ARPC3: variants seen among roughly 807,000 people sequenced by gnomAD.
The protein encoded by ARPC3 is actin-related protein 2/3 complex subunit 3.
In ARPC3, 12 loss-of-function variants were observed where a neutral mutation model predicts 27.6. The observed-to-expected ratio is 0.43, with a 90% CI of 0.28 to 0.70. The LOEUF is 0.70. ARPC3 is among the 30% of genes least tolerant of loss of function. ARPC3 has a pLI of 0.17. For synonymous variants in ARPC3, 53 were observed against 67.2 expected, an observed-to-expected ratio of 0.79 and a Z score of 1.03; for missense variants, 153 against 207.7, an observed-to-expected ratio of 0.74 and a Z score of 1.62.
At position 110,437,084 on chromosome 12, in the gene ARPC3, C is replaced by T. The variant is rs1354100837; in HGVS notation, c.252G>A (p.Lys84=). 6.3e-7 allele frequency: 1 copy of T among 1,587,276 alleles called. No individual in the cohort carries two copies. Among genetic ancestry groups the T allele is most frequent in the East Asian group, 2.2e-5 (1 of 44,764 alleles). Residue 84 remains lysine (K), a splice_region_variant and synonymous_variant, in exon 4 of 7, where the codon AAG becomes AAA. Transcript: ENST00000228825. ...TATACAATCATCCAAGTTTAATTACCTTTTGCAGTTTCTTCAGACATTCAG... is the reference window on the plus strand; with the variant it reads ...TATACAATCATCCAAGTTTAATTACTTTTTGCAGTTTCTTCAGACATTCAG... ...YISECLKKLQ[K]CNSKSQGEKE...
At chr12:110,438,540 A>G (rs2062418029) in intron 3 of ARPC3, among the ~76,000 whole-genome samples, 1 of 150,552 alleles carries the variant, frequency 6.6e-6, no homozygotes, top group African/African-American at 2.4e-5. Context: ...CGAGGGTTGC[A>G]CTGAGCCGAG....
At chr12:110,435,458 T>A (rs912226405) in intron 6 of ARPC3, among the ~76,000 whole-genome samples, 1 of 152,006 alleles carries the variant, frequency 6.6e-6, no homozygotes, top group African/African-American at 2.4e-5. Context: ...GCCTCCCCAG[T>A]AGCTGGGACT....
At chr12:110,447,571 G>C (rs1055622507) in intron 1 of ARPC3, among the ~76,000 whole-genome samples, 1 of 152,088 alleles carries the variant, frequency 6.6e-6, no homozygotes, top group African/African-American at 2.4e-5. Context: ...CCAGAAGATC[G>C]AGACCACCCT....
Position 110,445,016 on chromosome 12 carries a change from G to T in ARPC3, c.106+436C>A, listed in dbSNP as rs908406166. On this transcript the variant is annotated intron_variant, in intron 2 of 6. Transcript: ENST00000228825. ...AAGTAATGTTACATAGTACACTTCA[G>T]ATTTAAGATTGAGGTATTGCTAAAA... The T allele has an allele frequency of 2.2e-5, 5 of 226,224 alleles. No homozygotes were observed. The South Asian group carries it at 2.9e-4, about 13-fold the overall frequency. 14.0% of individuals were successfully genotyped at this position (226,224 alleles called of 1,614,324 possible). A position where few individuals can be genotyped will look rare whatever the true frequency, so the allele number is the denominator to read the frequency against.
chr12:110,442,026 T>C (rs10774601), intron 2 of ARPC3, among the ~76,000 whole-genome samples: 70,252 of 147,798 alleles, frequency 0.48, 19,204 homozygotes, highest in African/African-American at 0.75. Context: ...ATCAAAACTC[T>C]GTCTCCAAAA....
At chr12:110,450,106 A>G (rs2062492842) in intron 1 of ARPC3, 149 bp downstream of exon 1, 3 of 1,214,718 alleles carry the variant, frequency 2.5e-6, no homozygotes, top group Non-Finnish European at 3.6e-6. Flanking sequence ...CCAATCCTTC[A>G]GCAACCGGTC....
At chr12:110,436,754 A>G (rs572098511) in intron 4 of ARPC3, 71 bp from the exon 5 acceptor site, 29 of 1,110,900 alleles carry the variant, frequency 2.6e-5, no homozygotes, top group African/African-American at 5.1e-5. Flanking sequence ...ACACACACAC[A>G]TATTTTACAG....
intron 6 of ARPC3, 77 bp from the exon 7 acceptor site, chr12:110,435,294 T>C: frequency 8.7e-7 from 1 of 1,155,654 alleles, no homozygotes. Flanking sequence ...ATAATAAAAT[T>C]TCACATTAGT....
intron 1 of ARPC3, 109 bp downstream of exon 1, chr12:110,450,146 C>T (rs929969306): frequency 1.3e-6 from 2 of 1,496,616 alleles, no homozygotes; most frequent in South Asian, 1.2e-5. Flanking sequence ...CTTCTCGGGC[C>T]CCAGCTTCCT....
chr12:110,436,953 A>T, intron 4 of ARPC3, 131 bp downstream of exon 4: 1 of 771,124 alleles, frequency 1.3e-6, no homozygotes, highest in Admixed American at 2.1e-5. Context: ...TTTTCTCTTA[A>T]GTCCATGCTG....
chr12:110,442,391 T>C (rs987369283), intron 2 of ARPC3, among the ~76,000 whole-genome samples: 8 of 152,120 alleles, frequency 5.3e-5, no homozygotes, highest in African/African-American at 1.9e-4. Flanking sequence ...ATGGATTGCC[T>C]GAGGTCAGGA....
chr12:110,437,202 G>A, intron 3 of ARPC3, 50 bp from the exon 4 acceptor site: 1 of 1,227,832 alleles, frequency 8.1e-7, no homozygotes, highest in Non-Finnish European at 1.2e-6. Context: ...ACATAACAAT[G>A]ATGTGCAATG....
intron 1 of ARPC3, among the ~76,000 whole-genome samples, chr12:110,449,391 G>T (rs1399823163): frequency 6.6e-6 from 1 of 151,748 alleles, no homozygotes; most frequent in East Asian, 2.0e-4. Flanking sequence ...GTGAAACCCC[G>T]TCTCTACTAA....
intron 1 of ARPC3, among the ~76,000 whole-genome samples, chr12:110,446,663 C>A (rs1252395075): frequency 2.0e-5 from 3 of 147,408 alleles, no homozygotes; most frequent in Non-Finnish European, 3.0e-5. Context: ...GGATGGAGTG[C>A]GGTGGCGCGA....
chr12:110,436,254 T>G, intron 5 of ARPC3, 50 bp from the exon 6 acceptor site: 1 of 1,436,232 alleles, frequency 7.0e-7, no homozygotes, highest in East Asian at 2.3e-5. Flanking sequence ...ACATCCCAAA[T>G]GTACTGGTTG....
chr12:110,450,332 C>T lies in ARPC3; in HGVS notation c.-72G>A, dbSNP rs548078869. ...AGCGGAGCGCTTCCGGTCTGGCAGC[C>T]TGGGCGAGGTAGGCGGAAGCGAAAC... is the stretch of plus-strand genomic sequence containing the variant. On this transcript the variant is annotated 5_prime_UTR_variant, in exon 1 of 7. Transcript: ENST00000228825. 413 of 1,606,484 alleles carry T rather than the reference C, an allele frequency of 2.6e-4. 1 individual carries two copies. In the Middle Eastern group the frequency reaches 3.0e-3, roughly 12 times the overall value.
intron 2 of ARPC3, chr12:110,442,503 G>C (rs2062443266): frequency 6.6e-6 from 1 of 152,114 alleles, no homozygotes; most frequent in African/African-American, 2.4e-5. Flanking sequence ...AGCTACTCAG[G>C]GGGCTGAGGC....
rs1203112843 is a variant in ARPC3, at chr12:110,441,037, G to T, written c.107-649C>A. ...TTTTTGTATTTTTAGTAAAGACGGG[G>T]TTTCACCGTGTTAGCCAGGATGGTC... is the stretch of plus-strand genomic sequence containing the variant. On this transcript the variant is annotated intron_variant, in intron 2 of 6. Transcript: ENST00000228825. Among the ~76,000 whole-genome samples, 7 of 146,984 alleles carry T rather than the reference G, an allele frequency of 4.8e-5. No homozygotes were observed. The East Asian group carries it at 1.2e-3, about 25-fold the overall frequency.
chr12:110,435,158 C>G lies in ARPC3; in HGVS notation c.534G>C (p.Gln178His). Residue 178 changes from glutamine to histidine, a missense_variant, in exon 7 of 7, where the codon CAG becomes CAC. Gln to His is a conservative substitution (Grantham distance 24). Transcript: ENST00000228825. ...ACGGTGGCTGCCCGGGCTCCCTTCACTGTCCAGGTCCTGAAAGACTCTTGT... is the reference window on the plus strand; with the variant it reads ...ACGGTGGCTGCCCGGGCTCCCTTCAGTGTCCAGGTCCTGAAAGACTCTTGT... ...FMNKSLSGPG[Q>H] 1 of 1,613,758 alleles carries G rather than the reference C, an allele frequency of 6.2e-7. No individual in the cohort carries two copies. The highest frequency in any genetic ancestry group is 8.5e-7 in the Non-Finnish European group (1 of 1,179,790).
Sources: gnomAD v4.1 joint callset for allele counts (sites outside exome capture counted in the v4.1 genomes callset) on GRCh38, gnomAD v4.1.1 for gene constraint, MANE v1.5 for transcripts, NCBI Gene and HGNC (gene_info 2026-07-23, HGNC 2026-07-21) for gene names.